ATP6V0E1: variants seen among roughly 807,000 people sequenced by gnomAD.
ATP6V0E1 encodes ATPase H+ transporting V0 subunit e1, also known as V-type proton ATPase subunit e 1.
Under a neutral mutation model 11.6 loss-of-function variants are expected in ATP6V0E1, and 4 were observed. The observed-to-expected ratio is 0.35, with a 90% CI of 0.17 to 0.79. ATP6V0E1 has a LOEUF of 0.79. ATP6V0E1 is among the 30% of genes least tolerant of loss of function. The probability of loss-of-function intolerance (pLI) is 0.54; values close to 1 mark genes in which losing one functional copy is unlikely to be tolerated. For missense variants in ATP6V0E1, 105 were observed against 100.0 expected, an observed-to-expected ratio of 1.05 and a Z score of -0.21; for synonymous variants, 36 against 34.8, an observed-to-expected ratio of 1.04 and a Z score of -0.13.
chr5:173,011,035 T>C (rs1386208086), intron 2 of ATP6V0E1, among the ~76,000 whole-genome samples: 1 of 152,182 alleles, frequency 6.6e-6, no homozygotes, highest in African/African-American at 2.4e-5. Context: ...ACTACTCTCC[T>C]TGGCTTATTT....
chr5:173,011,116 G>A (rs1290616533), intron 2 of ATP6V0E1, among the ~76,000 whole-genome samples: 4 of 151,864 alleles, frequency 2.6e-5, no homozygotes, highest in African/African-American at 9.7e-5. Context: ...AGGTTGACAT[G>A]GAACATGGCA....
At chr5:172,989,989 C>T (rs1755956918) in intron 1 of ATP6V0E1, among the ~76,000 whole-genome samples, 1 of 152,102 alleles carries the variant, frequency 6.6e-6, no homozygotes. Flanking sequence ...GCATGCACCA[C>T]CATGCCCAAC....
chr5:173,026,658 A>G (rs1756563232), intron 3 of ATP6V0E1, among the ~76,000 whole-genome samples: 1 of 152,206 alleles, frequency 6.6e-6, no homozygotes, highest in Admixed American at 6.5e-5. Flanking sequence ...GATGTTTCTC[A>G]TCTCTTTATA....
intron 2 of ATP6V0E1, among the ~76,000 whole-genome samples, chr5:173,007,587 G>C (rs1756246948): frequency 6.6e-6 from 1 of 152,194 alleles, no homozygotes; most frequent in Non-Finnish European, 1.5e-5. Flanking sequence ...TTGCGGATTA[G>C]GTAGCCACGT....
chr5:173,022,659 A>G (rs1157656574), intron 3 of ATP6V0E1, among the ~76,000 whole-genome samples: 1 of 151,650 alleles, frequency 6.6e-6, no homozygotes, highest in East Asian at 1.9e-4. Flanking sequence ...TTGTTTTTGA[A>G]AGAGAGTCTC....
Position 172,992,910 on chromosome 5 carries a change from G to T in ATP6V0E1, c.105-1865G>T, listed in dbSNP as rs9968685. ...CCTCCCAAGTTCAAGTGATTCTTCT[G>T]CCTCAGCCTCCTGAGCAGCTGGGAT... is the stretch of plus-strand genomic sequence containing the variant. On this transcript the variant is annotated intron_variant, in intron 1 of 3. Transcript: ENST00000519374. 5.0e-3 allele frequency among the ~76,000 whole-genome samples: 754 copies of T among 152,142 alleles called. 8 individuals carry two copies. The highest frequency in any genetic ancestry group is 0.017 in the African/African-American group (717 of 41,530).
At chr5:173,006,571 G>A (rs939131507) in intron 2 of ATP6V0E1, among the ~76,000 whole-genome samples, 1 of 152,184 alleles carries the variant, frequency 6.6e-6, no homozygotes, top group African/African-American at 2.4e-5. Flanking sequence ...CCGAGATGGC[G>A]ACACTGCACT....
chr5:173,003,604 T>C (rs552532053), intron 2 of ATP6V0E1, among the ~76,000 whole-genome samples: 65 of 152,104 alleles, frequency 4.3e-4, no homozygotes, highest in African/African-American at 1.5e-3. Flanking sequence ...ATCACCATGG[T>C]TTGGTCTGAG....
intron 3 of ATP6V0E1, among the ~76,000 whole-genome samples, chr5:173,029,198 C>T (rs1292356778): frequency 2.0e-5 from 3 of 152,096 alleles, no homozygotes; most frequent in African/African-American, 7.2e-5. Flanking sequence ...GGTTTGTGAT[C>T]TGTTGGGGTG....
Position 173,007,458 on chromosome 5 carries a change from C to T in ATP6V0E1, c.152+12636C>T, listed in dbSNP as rs371336935. Among the ~76,000 whole-genome samples, 30 of 152,266 alleles carry T rather than the reference C, an allele frequency of 2.0e-4. No individual in the cohort carries two copies. In the East Asian group the frequency reaches 5.6e-3, roughly 28 times the overall value. On this transcript the variant is annotated intron_variant, in intron 2 of 3. Transcript: ENST00000519374. Reference sequence around the variant, plus strand: ...CATATGGCCCCTCCATTTTCACAGCCGGGAAAAGAGAATCTCCTTTGTGTC... The same window carrying T: ...CATATGGCCCCTCCATTTTCACAGCTGGGAAAAGAGAATCTCCTTTGTGTC...
intron 3 of ATP6V0E1, among the ~76,000 whole-genome samples, chr5:173,031,106 G>T (rs1183955990): frequency 6.6e-6 from 1 of 151,882 alleles, no homozygotes; most frequent in African/African-American, 2.4e-5. Context: ...CACCATACCT[G>T]GCTAATTTTT....
intron 3 of ATP6V0E1, among the ~76,000 whole-genome samples, chr5:173,031,417 C>G (rs1363796322): frequency 7.2e-6 from 1 of 138,686 alleles, no homozygotes; most frequent in South Asian, 2.4e-4. Flanking sequence ...AACCTTATGA[C>G]TCTTTTTTTT....
intron 1 of ATP6V0E1, among the ~76,000 whole-genome samples, chr5:172,985,231 C>A (rs1308738840): frequency 7.3e-6 from 1 of 137,804 alleles, no homozygotes; most frequent in African/African-American, 2.8e-5. Flanking sequence ...GGCGACAGAG[C>A]GAGACTCCGT....
chr5:173,008,563 T>C (rs2113595935), intron 2 of ATP6V0E1, among the ~76,000 whole-genome samples: 1 of 149,020 alleles, frequency 6.7e-6, no homozygotes, highest in Admixed American at 6.6e-5. Flanking sequence ...CTTCCCAAAG[T>C]GCTGGGATTA....
chr5:172,985,368 G>A (rs1755881670), intron 1 of ATP6V0E1, among the ~76,000 whole-genome samples: 3 of 151,278 alleles, frequency 2.0e-5, no homozygotes, highest in Admixed American at 2.0e-4. Context: ...TTTTTTAAAA[G>A]ATACATGGTA....
intron 2 of ATP6V0E1, among the ~76,000 whole-genome samples, chr5:173,012,727 G>A (rs1470530003): frequency 1.3e-5 from 2 of 151,416 alleles, no homozygotes; most frequent in Non-Finnish European, 2.9e-5. Context: ...TTCCACTCCA[G>A]GCTGGGCAAT....
intron 2 of ATP6V0E1, among the ~76,000 whole-genome samples, chr5:173,009,921 G>A (rs1351896861): frequency 4.0e-5 from 6 of 151,656 alleles, no homozygotes; most frequent in Non-Finnish European, 8.8e-5. Flanking sequence ...GTGCCACCAC[G>A]CCTGGCCAAT....
chr5:173,007,404 A>G lies in ATP6V0E1; in HGVS notation c.152+12582A>G, dbSNP rs866681798. 3.3e-5 allele frequency among the ~76,000 whole-genome samples: 5 copies of G among 152,188 alleles called. No individual in the cohort carries two copies. The South Asian group carries it at 1.0e-3, about 32-fold the overall frequency. On this transcript the variant is annotated intron_variant, in intron 2 of 3. Coordinates refer to ENST00000519374, the MANE Select transcript of ATP6V0E1 (RefSeq NM_003945.4). Reference sequence around the variant, plus strand: ...CTGGCTATTAGTTGGGACCACTGTCAGCTCCTAGAGGCCACCTTCATTCCT... The same window carrying G: ...CTGGCTATTAGTTGGGACCACTGTCGGCTCCTAGAGGCCACCTTCATTCCT...
Position 173,016,003 on chromosome 5 carries a change from C to A in ATP6V0E1, c.153-4235C>A, listed in dbSNP as rs140905204. Among the ~76,000 whole-genome samples the A allele has an allele frequency of 2.0e-4, 30 of 152,212 alleles. 1 individual carries two copies. In the East Asian group the frequency reaches 5.2e-3, roughly 26 times the overall value. ...GGCCTCCCAGTGTCGAGATTACAGG[C>A]GTGAGCCACCATGCCCAGATTGTAG... is the stretch of plus-strand genomic sequence containing the variant. On this transcript the variant is annotated intron_variant, in intron 2 of 3. Coordinates refer to ENST00000519374, the MANE Select transcript of ATP6V0E1 (RefSeq NM_003945.4).
Sources: allele counts gnomAD v4.1 joint callset (sites outside exome capture counted in the v4.1 genomes callset), GRCh38; gene constraint gnomAD v4.1.1; transcripts MANE v1.5; gene names NCBI Gene and HGNC (gene_info 2026-07-23, HGNC 2026-07-21).